DCDC2: variants seen among roughly 807,000 people sequenced by gnomAD.
DCDC2 encodes the protein doublecortin domain containing 2.
Under a neutral mutation model 50.2 loss-of-function variants are expected in DCDC2, and 40 were observed. That is an observed-to-expected ratio of 0.80 (90% CI 0.62 to 1.04). The LOEUF is 1.04. Ranked by LOEUF, DCDC2 falls within the 50% of genes least tolerant of loss-of-function variation. DCDC2 has a pLI of 0.00. For synonymous variants in DCDC2, 234 were observed against 210.6 expected (o/e 1.11, Z -0.96); for missense variants, 570 against 581.9 (o/e 0.98, Z 0.21).
intron 7 of DCDC2, among the ~76,000 whole-genome samples, chr6:24,242,127 T>C (rs1202017541): frequency 6.6e-6 from 1 of 152,116 alleles, no homozygotes; most frequent in East Asian, 1.9e-4. Context: ...TGAGCTATGA[T>C]TGCACCACTG....
At chr6:24,282,523 G>A (rs367814498) in intron 6 of DCDC2, among the ~76,000 whole-genome samples, 11 of 151,648 alleles carry the variant, frequency 7.3e-5, no homozygotes, top group East Asian at 3.9e-4. Flanking sequence ...GATTACAGGC[G>A]TGAGCCACCA....
Position 24,204,993 on chromosome 6 carries a change from G to A in DCDC2, c.1023+9C>T, listed in dbSNP as rs1303974976. 5 of 1,608,292 alleles carry A rather than the reference G, an allele frequency of 3.1e-6. No individual in the cohort carries two copies. The African/African-American group carries it at 4.0e-5, about 13-fold the overall frequency. ...GTCTTACACATATTTTTTAAGGCAT[G>A]GAGATTACCTGATCGACTGGAACCT... On this transcript the variant is annotated intron_variant, in intron 8 of 9. Coordinates refer to ENST00000378454, the MANE Select transcript of DCDC2 (RefSeq NM_016356.5).
chr6:24,177,920 C>T (rs1169831355), intron 9 of DCDC2, among the ~76,000 whole-genome samples: 1 of 152,150 alleles, frequency 6.6e-6, no homozygotes, highest in Non-Finnish European at 1.5e-5. Flanking sequence ...AGAAAGTATT[C>T]CTTATTTCAT....
chr6:24,306,170 A>G (rs1270042704), intron 2 of DCDC2, among the ~76,000 whole-genome samples: 1 of 152,148 alleles, frequency 6.6e-6, no homozygotes, highest in Non-Finnish European at 1.5e-5. Flanking sequence ...GTAGCCAGGG[A>G]TGGAGTTCAC....
At chr6:24,363,254 G>C in the DCDC2 span, among the ~76,000 whole-genome samples, 1 of 152,214 alleles carries the variant, frequency 6.6e-6, no homozygotes, top group African/African-American at 2.4e-5. Context: ...AGCACTTTGA[G>C]ATGCTGAGGC....
chr6:24,311,121 G>T (rs536738392), intron 2 of DCDC2, among the ~76,000 whole-genome samples: 17 of 152,266 alleles, frequency 1.1e-4, no homozygotes, highest in African/African-American at 4.1e-4. Context: ...TTCAGATGAT[G>T]TCCTCGTGTC....
At chr6:24,177,594 T>C (rs1287789811) in intron 9 of DCDC2, among the ~76,000 whole-genome samples, 2 of 152,190 alleles carry the variant, frequency 1.3e-5, no homozygotes, top group Admixed American at 6.5e-5. Flanking sequence ...CTGCCTCTTA[T>C]GCTGTGAGAC....
At chr6:24,330,835 G>A (rs146738608) in intron 2 of DCDC2, among the ~76,000 whole-genome samples, 87 of 152,278 alleles carry the variant, frequency 5.7e-4, no homozygotes, top group Admixed American at 1.2e-3. Context: ...TCAATACTGC[G>A]ATGAACCCTT....
intron 7 of DCDC2, among the ~76,000 whole-genome samples, chr6:24,237,894 GAAC>G (rs1762481432): frequency 6.6e-6 from 1 of 151,352 alleles, no homozygotes; most frequent in Non-Finnish European, 1.5e-5. Flanking sequence ...ATAAAGATGG[GAAC>G]AACAGACACT....
intron 7 of DCDC2, among the ~76,000 whole-genome samples, chr6:24,265,906 A>C (rs1268625979): frequency 6.6e-6 from 1 of 152,010 alleles, no homozygotes; most frequent in Non-Finnish European, 1.5e-5. Flanking sequence ...GAGCAGAAAT[A>C]AATGAAATTG....
chr6:24,220,885 A>AGAGAGACAGAGAGCGAGAGC (rs1762093015), intron 7 of DCDC2, among the ~76,000 whole-genome samples: 1 of 118,764 alleles, frequency 8.4e-6, no homozygotes, highest in Non-Finnish European at 2.0e-5. Flanking sequence ...AGCGAGAGCG[A>AGAGAGACAGAGAGCGAGAGC]GAGAGTGAGC....
chr6:24,173,893 G>A lies in DCDC2; in HGVS notation c.*837C>T, dbSNP rs1306706247. 2 of 152,130 alleles carry A rather than the reference G, an allele frequency of 1.3e-5. No individual in the cohort carries two copies. The highest frequency in any genetic ancestry group is 1.9e-4 in the East Asian group (1 of 5,194). The allele number at this position is 152,130 out of a possible 1,614,324, so 9.4% of individuals were successfully genotyped here. ...TGAAAATAATTTAATCTTTGGAATA[G>A]CCAATATCAGGTTCTCTAATAACAT... On this transcript the variant is annotated 3_prime_UTR_variant, in exon 10 of 10. Coordinates refer to ENST00000378454, the MANE Select transcript of DCDC2 (RefSeq NM_016356.5).
intron 2 of DCDC2, among the ~76,000 whole-genome samples, chr6:24,344,936 T>C (rs1275783874): frequency 6.6e-6 from 1 of 152,166 alleles, no homozygotes; most frequent in East Asian, 1.9e-4. Context: ...AAATAAAAGT[T>C]TGGGGAGGGG....
chr6:24,262,863 G>A (rs893401241), intron 7 of DCDC2, among the ~76,000 whole-genome samples: 4 of 152,218 alleles, frequency 2.6e-5, no homozygotes, highest in South Asian at 2.1e-4. Flanking sequence ...CAGCCCCTGG[G>A]CCTTGGGTGA....
At chr6:24,312,536 G>A (rs1330041556) in intron 2 of DCDC2, among the ~76,000 whole-genome samples, 8 of 152,114 alleles carry the variant, frequency 5.3e-5, no homozygotes. Flanking sequence ...TAACGAACAA[G>A]CTGTCTGGAA....
Position 24,235,488 on chromosome 6 carries a change from T to A in DCDC2, c.923-30386A>T, listed in dbSNP as rs188289438. Among the ~76,000 whole-genome samples the A allele has an allele frequency of 1.1e-3, 167 of 152,244 alleles. 1 individual carries two copies. Among genetic ancestry groups the A allele is most frequent in the Non-Finnish European group, 1.6e-3 (108 of 68,030 alleles). On this transcript the variant is annotated intron_variant, in intron 7 of 9. Transcript: ENST00000378454. ...TTTATTCCTGGGATGCAAGTTTGATTCAACATACACAAATCAATAAATATG... is the reference window on the plus strand; with the variant it reads ...TTTATTCCTGGGATGCAAGTTTGATACAACATACACAAATCAATAAATATG...
intron 7 of DCDC2, among the ~76,000 whole-genome samples, chr6:24,229,794 C>T (rs966605161): frequency 2.0e-5 from 3 of 152,166 alleles, no homozygotes; most frequent in Admixed American, 6.5e-5. Context: ...CTTCCTTCAG[C>T]ACCAAACAAC....
intron 2 of DCDC2, among the ~76,000 whole-genome samples, chr6:24,346,525 G>A (rs1760258121): frequency 1.3e-5 from 2 of 152,078 alleles, no homozygotes; most frequent in African/African-American, 2.4e-5. Context: ...GGAGGCCAAG[G>A]TGGGTGGATC....
At chr6:24,252,669 A>G (rs1204400515) in intron 7 of DCDC2, among the ~76,000 whole-genome samples, 1 of 152,224 alleles carries the variant, frequency 6.6e-6, no homozygotes, top group Non-Finnish European at 1.5e-5. Flanking sequence ...AGCCATCTCA[A>G]AGCCAAAGTA....
Sources: allele counts gnomAD v4.1 joint callset (sites outside exome capture counted in the v4.1 genomes callset), GRCh38; gene constraint gnomAD v4.1.1; transcripts MANE v1.5; gene names NCBI Gene and HGNC (gene_info 2026-07-23, HGNC 2026-07-21).